Variants in DPYD observed in about 807,000 individuals in gnomAD.
The protein encoded by DPYD is dihydropyrimidine dehydrogenase.
A neutral mutation model predicts 116.2 loss-of-function variants in DPYD; 109 were observed. That is an observed-to-expected ratio of 0.94 (90% CI 0.80 to 1.10). The LOEUF (loss-of-function observed/expected upper bound fraction) is 1.10, where lower values mean the gene tolerates loss of function less well. Ranked by LOEUF, DPYD falls within the 50% of genes least tolerant of loss-of-function variation. DPYD has a pLI of 0.00. For synonymous variants in DPYD, 440 were observed against 432.0 expected, an observed-to-expected ratio of 1.02 and a Z score of -0.23; for missense variants, 1,302 against 1,254.5, an observed-to-expected ratio of 1.04 and a Z score of -0.57.
chr1:97,788,064 C>T (rs1667133462), intron 3 of DPYD, among the ~76,000 whole-genome samples: 1 of 152,144 alleles, frequency 6.6e-6, no homozygotes, highest in South Asian at 2.1e-4. Flanking sequence ...CCCTGTATGT[C>T]CGTGATATTT....
At chr1:97,889,970 A>G (rs1198428197) in intron 1 of DPYD, among the ~76,000 whole-genome samples, 2 of 152,044 alleles carry the variant, frequency 1.3e-5, no homozygotes, top group African/African-American at 4.8e-5. Context: ...CAAAAACAAT[A>G]TGATGAATAC....
intron 1 of DPYD, among the ~76,000 whole-genome samples, chr1:97,904,683 C>A (rs927634676): frequency 2.0e-5 from 3 of 151,962 alleles, no homozygotes; most frequent in African/African-American, 7.2e-5. Context: ...ATGTACTGTT[C>A]TTTGTTGAAG....
In DPYD at chr1:97,787,821, T is replaced by A. The variant is rs531738281; in HGVS notation, c.233+40293A>T. On this transcript the variant is annotated intron_variant, in intron 3 of 22. Coordinates refer to ENST00000370192, the MANE Select transcript of DPYD (RefSeq NM_000110.4). ...AAATATAAGCATATATAAACATTGATATTACCATAATCAACAACTTCAACA... is the reference window on the plus strand; with the variant it reads ...AAATATAAGCATATATAAACATTGAAATTACCATAATCAACAACTTCAACA... 2.0e-5 allele frequency among the ~76,000 whole-genome samples: 3 copies of A among 152,318 alleles called. No individual in the cohort carries two copies. The South Asian group carries it at 6.2e-4, about 32-fold the overall frequency.
At chr1:97,623,185 A>C (rs967237231) in intron 8 of DPYD, among the ~76,000 whole-genome samples, 1 of 152,090 alleles carries the variant, frequency 6.6e-6, no homozygotes, top group African/African-American at 2.4e-5. Flanking sequence ...TCATGACCAA[A>C]GACTGTGAAG....
chr1:97,451,900 G>C (rs900726966), intron 13 of DPYD, among the ~76,000 whole-genome samples: 6 of 152,042 alleles, frequency 3.9e-5, no homozygotes, highest in Admixed American at 2.6e-4. Context: ...CTTCACCTAA[G>C]TAAGTCCAAC....
chr1:97,709,325 A>G (rs890225935), intron 5 of DPYD, among the ~76,000 whole-genome samples: 1 of 151,968 alleles, frequency 6.6e-6, no homozygotes, highest in Non-Finnish European at 1.5e-5. Flanking sequence ...GTGATAATGA[A>G]GAATTATCTG....
chr1:97,173,335 T>TAC (rs1405937032), intron 20 of DPYD, among the ~76,000 whole-genome samples: 7 of 141,746 alleles, frequency 4.9e-5, no homozygotes, highest in South Asian at 2.1e-4. Flanking sequence ...CACATATATG[T>TAC]GTATATATGC....
intron 20 of DPYD, among the ~76,000 whole-genome samples, chr1:97,113,399 C>A (rs1651745047): frequency 6.6e-6 from 1 of 151,968 alleles, no homozygotes; most frequent in Non-Finnish European, 1.5e-5. Context: ...CTGGTTAGTC[C>A]TCTAGCCTTA....
At position 97,635,015 on chromosome 1, in the gene DPYD, T is replaced by C. The variant is rs565121404; in HGVS notation, c.851-39849A>G. Among the ~76,000 whole-genome samples, 20 of 151,926 alleles carry C rather than the reference T, an allele frequency of 1.3e-4. No individual in the cohort carries two copies. The South Asian group carries it at 4.0e-3, about 30-fold the overall frequency. ...GGAGAAAAAAAATGTGTTCAGTCCA[T>C]GTTCTGTTTACTTAAATGGAGTGTT... is the stretch of plus-strand genomic sequence containing the variant. On this transcript the variant is annotated intron_variant, in intron 8 of 22. Transcript: ENST00000370192.
intron 14 of DPYD, among the ~76,000 whole-genome samples, chr1:97,437,499 AT>A (rs1425703913): frequency 6.6e-6 from 1 of 151,896 alleles, no homozygotes; most frequent in Non-Finnish European, 1.5e-5. Context: ...GTTGTTACAA[AT>A]AAAACTTCTA....
intron 21 of DPYD, among the ~76,000 whole-genome samples, chr1:97,096,637 G>A (rs1250257483): frequency 6.6e-6 from 1 of 152,122 alleles, no homozygotes; most frequent in Non-Finnish European, 1.5e-5. Flanking sequence ...TCAGCACTCT[G>A]TAAAATGCAC....
chr1:97,453,132 G>T (rs1228195490), intron 13 of DPYD, among the ~76,000 whole-genome samples: 1 of 151,974 alleles, frequency 6.6e-6, no homozygotes, highest in African/African-American at 2.4e-5. Context: ...GCCTTCTCAC[G>T]CAGCCTACTG....
chr1:97,664,447 T>A (rs1659443054), intron 8 of DPYD, among the ~76,000 whole-genome samples: 1 of 151,968 alleles, frequency 6.6e-6, no homozygotes, highest in South Asian at 2.1e-4. Context: ...TAGCTTAAAG[T>A]ACTATTTCAA....
chr1:97,367,324 C>A (rs1453612528), intron 16 of DPYD, among the ~76,000 whole-genome samples: 2 of 149,736 alleles, frequency 1.3e-5, no homozygotes, highest in Admixed American at 1.3e-4. Context: ...TAAGTTTGAA[C>A]ATAGAACAGA....
At chr1:97,218,836 C>T (rs191283610) in intron 19 of DPYD, among the ~76,000 whole-genome samples, 1 of 152,108 alleles carries the variant, frequency 6.6e-6, no homozygotes, top group African/African-American at 2.4e-5. Flanking sequence ...GGTGACCAAA[C>T]ATGAGACTAA....
At chr1:97,854,094 G>T (rs1306798185) in intron 2 of DPYD, among the ~76,000 whole-genome samples, 1 of 152,108 alleles carries the variant, frequency 6.6e-6, no homozygotes, top group African/African-American at 2.4e-5. Context: ...CTATTATCCA[G>T]AAAATATATA....
At chr1:97,658,458 T>G (rs1017923747) in intron 8 of DPYD, among the ~76,000 whole-genome samples, 15 of 152,180 alleles carry the variant, frequency 9.9e-5, no homozygotes, top group African/African-American at 3.6e-4. Flanking sequence ...TTGAAAACAC[T>G]AAGCCACATA....
chr1:97,673,732 G>T (rs1346330335), intron 8 of DPYD, among the ~76,000 whole-genome samples: 1 of 152,080 alleles, frequency 6.6e-6, no homozygotes, highest in African/African-American at 2.4e-5. Context: ...GTGTGGGGTG[G>T]GGGGTGAGGA....
rs563031876 is a variant in DPYD at position 97,276,928 on chromosome 1, T to G, written c.2299+28331A>C. On this transcript the variant is annotated intron_variant, in intron 18 of 22. Transcript: ENST00000370192. ...GCTTGTATGTTCATCACAGCACTAT[T>G]CACCATAGCAAAGACACGGAAACAA... 2.0e-5 allele frequency among the ~76,000 whole-genome samples: 3 copies of G among 152,346 alleles called. No homozygotes were observed. The South Asian group carries it at 6.2e-4, about 32-fold the overall frequency.
Sources: gnomAD v4.1 joint callset for allele counts (sites outside exome capture counted in the v4.1 genomes callset) on GRCh38, gnomAD v4.1.1 for gene constraint, MANE v1.5 for transcripts, NCBI Gene and HGNC (gene_info 2026-07-23, HGNC 2026-07-21) for gene names.